PLEKHG1: variants seen among roughly 807,000 people sequenced by gnomAD.
PLEKHG1 encodes pleckstrin homology and RhoGEF domain containing G1.
In PLEKHG1, 44 loss-of-function variants were observed where a neutral mutation model predicts 100.8. The ratio of observed to expected loss-of-function variants is 0.44; its 90% CI spans 0.34 to 0.56. PLEKHG1 has a LOEUF of 0.56. Among genes scored for constraint, PLEKHG1 ranks in the 20% least tolerant of loss-of-function variants. The pLI is 0.01. For synonymous variants in PLEKHG1, 640 were observed against 662.5 expected (o/e 0.97, Z 0.52); for missense variants, 1,545 against 1,720.9 (o/e 0.90, Z 1.81).
intron 10 of PLEKHG1, among the ~76,000 whole-genome samples, chr6:150,810,291 A>C (rs1232031270): frequency 6.7e-6 from 1 of 148,186 alleles, no homozygotes; most frequent in Non-Finnish European, 1.5e-5. Flanking sequence ...CAGGGTCCAG[A>C]CAGGGTCTCA....
At chr6:150,701,417 T>TTTTATATATATA (rs1261404373) in intron 3 of PLEKHG1, among the ~76,000 whole-genome samples, 3 of 31,156 alleles carry the variant, frequency 9.6e-5, no homozygotes, top group South Asian at 1.2e-3. Context: ...CAGTAATTCT[T>TTTTATATATATA]TATATATATA....
At chr6:150,617,890 T>C (rs967401304) in intron 1 of PLEKHG1, among the ~76,000 whole-genome samples, 3 of 152,148 alleles carry the variant, frequency 2.0e-5, no homozygotes, top group Non-Finnish European at 4.4e-5. Flanking sequence ...CAAGAATACA[T>C]TGAAACACAG....
At chr6:150,602,810 G>A (rs905834888) in intron 1 of PLEKHG1, among the ~76,000 whole-genome samples, 13 of 152,136 alleles carry the variant, frequency 8.5e-5, no homozygotes, top group African/African-American at 2.9e-4. Flanking sequence ...CCTAAGAAAT[G>A]TTGGTTGCAT....
At chr6:150,840,172 G>C (rs1777447253) in exon 16 of PLEKHG1, 10 of 1,614,214 alleles carry the variant, frequency 6.2e-6, no homozygotes, top group Non-Finnish European at 7.6e-6. Context: ...GTGCAGAGAT[G>C]CAGCGTGGTA....
chr6:150,685,130 G>A (rs1042916581), intron 3 of PLEKHG1, among the ~76,000 whole-genome samples: 40 of 152,046 alleles, frequency 2.6e-4, no homozygotes, highest in African/African-American at 9.2e-4. Context: ...ACACTGGGCC[G>A]TTCTTCAAGA....
intron 13 of PLEKHG1, 47 bp from the exon 15 acceptor site, chr6:150,823,606 GA>G: frequency 7.9e-7 from 1 of 1,269,596 alleles, no homozygotes; most frequent in Non-Finnish European, 1.1e-6. Flanking sequence ...ACTTATATAG[GA>G]GGTACATTTT....
intron 1 of PLEKHG1, among the ~76,000 whole-genome samples, chr6:150,622,974 G>A (rs990253352): frequency 2.6e-5 from 4 of 152,060 alleles, no homozygotes; most frequent in South Asian, 2.1e-4. Flanking sequence ...GAGGGGAGGC[G>A]GCACTTCCTT....
intron 2 of PLEKHG1, among the ~76,000 whole-genome samples, chr6:150,743,893 G>T (rs909739863): frequency 6.6e-6 from 1 of 152,096 alleles, no homozygotes; most frequent in Non-Finnish European, 1.5e-5. Context: ...TATCTTGGTA[G>T]CATTCTGAAA....
intron 3 of PLEKHG1, chr6:150,651,088 T>C (rs371976477): frequency 6.6e-6 from 1 of 152,162 alleles, no homozygotes; most frequent in African/African-American, 2.4e-5. Flanking sequence ...AATAATAAAA[T>C]AGAACAATTA....
At chr6:150,817,554 A>ATTTT (rs774464059) in intron 10 of PLEKHG1, among the ~76,000 whole-genome samples, 2 of 115,568 alleles carry the variant, frequency 1.7e-5, no homozygotes, top group African/African-American at 3.6e-5. Context: ...AAGAATCTGC[A>ATTTT]TTTTTTTTTT....
intron 5 of PLEKHG1, among the ~76,000 whole-genome samples, chr6:150,796,832 AT>A (rs1457829183): frequency 6.6e-6 from 1 of 152,074 alleles, no homozygotes; most frequent in Non-Finnish European, 1.5e-5. Flanking sequence ...CCCAGCTTGG[AT>A]TTGAACCAAG....
chr6:150,653,889 G>A (rs771267710), intron 3 of PLEKHG1, among the ~76,000 whole-genome samples: 4 of 152,174 alleles, frequency 2.6e-5, no homozygotes, highest in Non-Finnish European at 5.9e-5. Context: ...TTAGATGGCC[G>A]TAGTTGTTCC....
At chr6:150,765,566 C>T (rs945294867) in intron 2 of PLEKHG1, among the ~76,000 whole-genome samples, 9 of 151,792 alleles carry the variant, frequency 5.9e-5, no homozygotes, top group Admixed American at 1.3e-4. Flanking sequence ...AACCTATTTC[C>T]GGGCATCTCA....
At position 150,639,114 on chromosome 6, in the gene PLEKHG1, A is replaced by G. The variant is rs533631839; in HGVS notation, c.-158+989A>G. On this transcript the variant is annotated intron_variant, in intron 2 of 3. Transcript: ENST00000367326. ...AAAGAATTCACTTTAGTATATTTTA[A>G]CCCAGCCACAAAATTTTCACTGTTG... 2.0e-4 allele frequency among the ~76,000 whole-genome samples: 31 copies of G among 152,238 alleles called. No homozygotes were observed. In the South Asian group the frequency reaches 6.0e-3, roughly 30 times the overall value.
chr6:150,816,895 C>G (rs568280702), intron 10 of PLEKHG1, among the ~76,000 whole-genome samples: 2 of 152,202 alleles, frequency 1.3e-5, no homozygotes, highest in African/African-American at 4.8e-5. Context: ...AGTGCTGCAA[C>G]CTAGATCCCT....
exon 15 of PLEKHG1, chr6:150,830,705 A>T: frequency 6.2e-7 from 1 of 1,614,200 alleles, no homozygotes; most frequent in Non-Finnish European, 8.5e-7. Flanking sequence ...TCTCAGAAAC[A>T]TCTGGACCGA....
chr6:150,812,994 A>G (rs749072514), intron 10 of PLEKHG1, among the ~76,000 whole-genome samples: 1 of 152,122 alleles, frequency 6.6e-6, no homozygotes, highest in Non-Finnish European at 1.5e-5. Context: ...TGTCTGAGGG[A>G]AAGTGGAAAG....
intron 2 of PLEKHG1, among the ~76,000 whole-genome samples, chr6:150,736,389 T>G (rs991167171): frequency 6.6e-6 from 1 of 152,234 alleles, no homozygotes; most frequent in African/African-American, 2.4e-5. Context: ...GAAACTACAC[T>G]TGTCACTATT....
chr6:150,693,260 C>T (rs960971930), intron 3 of PLEKHG1, among the ~76,000 whole-genome samples: 6 of 152,088 alleles, frequency 3.9e-5, no homozygotes, highest in African/African-American at 1.4e-4. Context: ...TGCACTCCAG[C>T]CTGGGTGACA....
Sources: allele counts gnomAD v4.1 joint callset (sites outside exome capture counted in the v4.1 genomes callset), GRCh38; gene constraint gnomAD v4.1.1; transcripts MANE v1.5; gene names NCBI Gene and HGNC (gene_info 2026-07-23, HGNC 2026-07-21).